Variants in SLC61A1 observed in about 807,000 individuals in gnomAD.
SLC61A1 encodes the protein major facilitator superfamily domain containing 5.
At chr12:53,251,944 C>T in the SLC61A1 span, 1 of 1,537,132 alleles carries the variant, frequency 6.5e-7, no homozygotes, top group South Asian at 1.2e-5. Flanking sequence ...CACGGGATGG[C>T]AGCGAGCGAG....
the SLC61A1 span, chr12:53,252,299 G>A: frequency 7.2e-7 from 1 of 1,390,014 alleles, no homozygotes; most frequent in Non-Finnish European, 9.2e-7. Flanking sequence ...GGTGCAAGTG[G>A]ATGTGGCAGG....
the SLC61A1 span, chr12:53,252,186 G>A: frequency 1.4e-6 from 2 of 1,419,102 alleles, no homozygotes; most frequent in Admixed American, 3.2e-5. Context: ...AACCCGAGCC[G>A]GAGCCGGAGC....
At chr12:53,252,544 G>T in the SLC61A1 span, 1 of 1,379,298 alleles carries the variant, frequency 7.3e-7, no homozygotes, top group African/African-American at 1.5e-5. Flanking sequence ...TGCGGGAGCG[G>T]GATTATTGAA....
the SLC61A1 span, chr12:53,253,577 C>T: frequency 6.2e-6 from 10 of 1,613,846 alleles, no homozygotes; most frequent in Admixed American, 5.0e-5. Context: ...GTCGGACCGC[C>T]GCGTGCTGCT....
the SLC61A1 span, chr12:53,254,187 A>C: frequency 6.2e-7 from 1 of 1,613,058 alleles, no homozygotes; most frequent in Admixed American, 1.7e-5. Context: ...CCTGAGCTGT[A>C]ACCCCACTCC....
chr12:53,253,031 C>T, the SLC61A1 span: 11 of 1,614,230 alleles, frequency 6.8e-6, no homozygotes, highest in South Asian at 1.1e-5. Context: ...CCTCTATAAA[C>T]TCTACCAGCA....
chr12:53,252,992 C>G, the SLC61A1 span: 1 of 1,614,218 alleles, frequency 6.2e-7, no homozygotes, highest in Non-Finnish European at 8.5e-7. Flanking sequence ...CTTCCTGGCC[C>G]TGGCAGCTGA....
the SLC61A1 span, chr12:53,253,117 G>A: frequency 1.9e-6 from 3 of 1,614,198 alleles, no homozygotes; most frequent in Admixed American, 5.0e-5. Context: ...TTGGCCTAGT[G>A]GCCTCCTCCC....
At chr12:53,253,598 A>G in the SLC61A1 span, 1 of 1,613,902 alleles carries the variant, frequency 6.2e-7, no homozygotes, top group Non-Finnish European at 8.5e-7. Flanking sequence ...GTTGGGCACC[A>G]TACAAGCTCT....
chr12:53,252,853 C>T, the SLC61A1 span: 1 of 1,614,004 alleles, frequency 6.2e-7, no homozygotes, highest in Non-Finnish European at 8.5e-7. Flanking sequence ...TGACTGCCTA[C>T]CTTGCTTTTG....
the SLC61A1 span, chr12:53,251,852 C>A: frequency 6.5e-7 from 1 of 1,537,300 alleles, no homozygotes; most frequent in African/African-American, 1.4e-5. Flanking sequence ...GCATCTTTCC[C>A]GAGCACTGCA....
chr12:53,253,753 G>T, the SLC61A1 span: 4 of 1,614,118 alleles, frequency 2.5e-6, no homozygotes, highest in Admixed American at 1.7e-5. Flanking sequence ...CCTCCAAGAG[G>T]TACCACCTTC....
At chr12:53,253,702 G>A in the SLC61A1 span, 2 of 1,614,030 alleles carry the variant, frequency 1.2e-6, no homozygotes, top group Non-Finnish European at 1.7e-6. Context: ...CCAGCTTCAT[G>A]GCAGCCAGCC....
chr12:53,252,769 G>A, the SLC61A1 span: 2 of 1,583,424 alleles, frequency 1.3e-6, no homozygotes, highest in Admixed American at 1.7e-5. Flanking sequence ...CCCCTTGACC[G>A]TGCTGCCCGA....
At chr12:53,254,075 G>A in the SLC61A1 span, 1 of 1,614,192 alleles carries the variant, frequency 6.2e-7, no homozygotes, top group Non-Finnish European at 8.5e-7. Context: ...CATTTGCTCT[G>A]CTGTCATGGT....
chr12:53,252,674 C>A, the SLC61A1 span: 2 of 1,218,290 alleles, frequency 1.6e-6, no homozygotes, highest in East Asian at 5.1e-5. Context: ...CTCCTCCCAC[C>A]CACCCAACTG....
the SLC61A1 span, chr12:53,252,297 T>G: frequency 7.2e-7 from 1 of 1,386,668 alleles, no homozygotes; most frequent in Non-Finnish European, 9.3e-7. Flanking sequence ...GAGGTGCAAG[T>G]GGATGTGGCA....
the SLC61A1 span, chr12:53,253,132 GGATTGGCTGGGTCGCAA>G: frequency 6.2e-7 from 1 of 1,614,136 alleles, no homozygotes; most frequent in South Asian, 1.1e-5. Flanking sequence ...CCTCCCTTGT[GGATTGGCTGGGTCGCAA>G]GAATTCTTGT....
At chr12:53,253,502 G>A in the SLC61A1 span, 5 of 1,614,084 alleles carry the variant, frequency 3.1e-6, no homozygotes, top group South Asian at 3.3e-5. Flanking sequence ...TCGAAACTGG[G>A]GGGAGAACTA....
Sources: allele counts gnomAD v4.1 joint callset, GRCh38; gene constraint gnomAD v4.1.1; transcripts MANE v1.5; gene names NCBI Gene and HGNC (gene_info 2026-07-23, HGNC 2026-07-21).